Variants in KCNH5 observed in about 807,000 individuals in gnomAD.
KCNH5 encodes the protein voltage-gated delayed rectifier potassium channel KCNH5.
Under a neutral mutation model 96.1 loss-of-function variants are expected in KCNH5, and 46 were observed. The ratio of observed to expected loss-of-function variants is 0.48; its 90% CI spans 0.38 to 0.61. KCNH5 has a LOEUF of 0.61. Among genes scored for constraint, KCNH5 ranks in the 20% least tolerant of loss-of-function variants. KCNH5 has a pLI of 0.00. For synonymous variants in KCNH5, 439 were observed against 449.8 expected (o/e 0.98, Z 0.30); for missense variants, 907 against 1,225.8 (o/e 0.74, Z 3.88).
intron 1 of KCNH5, among the ~76,000 whole-genome samples, chr14:63,022,514 C>T (rs1158913312): frequency 6.6e-6 from 1 of 152,114 alleles, no homozygotes; most frequent in Non-Finnish European, 1.5e-5. Context: ...CCTCCTTTAA[C>T]ATCCTTCTTT....
At chr14:62,785,481 G>A (rs1315853893) in intron 9 of KCNH5, among the ~76,000 whole-genome samples, 1 of 152,164 alleles carries the variant, frequency 6.6e-6, no homozygotes, top group African/African-American at 2.4e-5. Context: ...TTTTAGGTCA[G>A]CTCCCGCTGG....
At chr14:62,788,614 G>A (rs763676888) in intron 9 of KCNH5, among the ~76,000 whole-genome samples, 102 of 152,050 alleles carry the variant, frequency 6.7e-4, no homozygotes, top group Non-Finnish European at 7.5e-4. Context: ...AGAGTCAATT[G>A]ATGCAGTAAA....
At chr14:62,946,363 T>C (rs936560675) in intron 7 of KCNH5, among the ~76,000 whole-genome samples, 1 of 152,148 alleles carries the variant, frequency 6.6e-6, no homozygotes, top group Non-Finnish European at 1.5e-5. Context: ...CTCTGTAAAA[T>C]AGTTTGGCAA....
chr14:62,796,488 G>A (rs1039287767), intron 9 of KCNH5, among the ~76,000 whole-genome samples: 3 of 152,228 alleles, frequency 2.0e-5, no homozygotes, highest in African/African-American at 7.2e-5. Context: ...AACAAGCATA[G>A]CTCTCTTGAG....
rs370955212 is a variant in KCNH5 at position 62,803,875 on chromosome 14, G to A, written c.1570-1294C>T. 1.4e-3 allele frequency among the ~76,000 whole-genome samples: 212 copies of A among 152,176 alleles called. 1 individual carries two copies. The highest frequency in any genetic ancestry group is 4.9e-3 in the African/African-American group (204 of 41,514). On this transcript the variant is annotated intron_variant, in intron 8 of 10. Coordinates refer to ENST00000322893, the MANE Select transcript of KCNH5 (RefSeq NM_139318.5). ...AGCCAGAAATGATTTTCTTTGATCG[G>A]ATTTCAATCCCTCAAAGCTGAAGCT...
intron 1 of KCNH5, among the ~76,000 whole-genome samples, chr14:63,018,761 G>A (rs1214625523): frequency 6.6e-6 from 1 of 151,952 alleles, no homozygotes; most frequent in African/African-American, 2.4e-5. Flanking sequence ...TCTCCTCAGA[G>A]GAAAACAATG....
intron 6 of KCNH5, among the ~76,000 whole-genome samples, chr14:62,970,731 C>T (rs1890391279): frequency 6.6e-6 from 1 of 151,992 alleles, no homozygotes; most frequent in Non-Finnish European, 1.5e-5. Context: ...ATAACATCAA[C>T]AAGCTAAAGG....
At chr14:62,954,852 A>C (rs1341358239) in intron 6 of KCNH5, among the ~76,000 whole-genome samples, 1 of 152,146 alleles carries the variant, frequency 6.6e-6, no homozygotes, top group Non-Finnish European at 1.5e-5. Flanking sequence ...AGCCAAACAA[A>C]TGGAGAAACT....
chr14:62,809,499 A>G (rs1886832153), intron 8 of KCNH5, among the ~76,000 whole-genome samples: 1 of 152,106 alleles, frequency 6.6e-6, no homozygotes, highest in Non-Finnish European at 1.5e-5. Context: ...CAGGTCCAGG[A>G]GCCACAGGTT....
chr14:63,019,572 C>T (rs1055801500), intron 1 of KCNH5, among the ~76,000 whole-genome samples: 4 of 151,898 alleles, frequency 2.6e-5, no homozygotes, highest in East Asian at 1.9e-4. Context: ...AAAGATGCCA[C>T]GCCAACTGAA....
intron 10 of KCNH5, among the ~76,000 whole-genome samples, chr14:62,713,931 A>G (rs2139905802): frequency 6.6e-6 from 1 of 152,294 alleles, no homozygotes; most frequent in East Asian, 1.9e-4. Context: ...CATGGTAATT[A>G]TTATACATTA....
chr14:62,795,307 T>A lies in KCNH5; in HGVS notation c.1822+7022A>T, dbSNP rs118090608. On this transcript the variant is annotated intron_variant, in intron 9 of 10. Coordinates refer to ENST00000322893, the MANE Select transcript of KCNH5 (RefSeq NM_139318.5). ...AGTTTGTTGGCAAAATATAGCAGAG[T>A]TGGCCCTCCATACCTGTGGGTTTCT... Among the ~76,000 whole-genome samples the A allele has an allele frequency of 8.5e-5, 13 of 152,164 alleles. 1 individual carries two copies. In the East Asian group the frequency reaches 2.5e-3, roughly 29 times the overall value.
intron 8 of KCNH5, among the ~76,000 whole-genome samples, chr14:62,846,624 A>G (rs1373866315): frequency 1.3e-5 from 2 of 151,684 alleles, no homozygotes; most frequent in Non-Finnish European, 2.9e-5. Context: ...ATTAAGTAGT[A>G]TGTCAATTCC....
At chr14:62,813,315 G>A (rs1291001939) in intron 8 of KCNH5, among the ~76,000 whole-genome samples, 6 of 152,156 alleles carry the variant, frequency 3.9e-5, no homozygotes, top group Non-Finnish European at 5.9e-5. Context: ...TTTAGTCTTA[G>A]TGAAGTTATT....
intron 7 of KCNH5, among the ~76,000 whole-genome samples, chr14:62,914,082 T>C (rs900924488): frequency 1.1e-4 from 17 of 152,220 alleles, no homozygotes; most frequent in African/African-American, 3.9e-4. Context: ...TCATGTGCTT[T>C]CTTAAAATTG....
At chr14:62,925,342 T>C (rs1889454497) in intron 7 of KCNH5, among the ~76,000 whole-genome samples, 1 of 152,056 alleles carries the variant, frequency 6.6e-6, no homozygotes, top group African/African-American at 2.4e-5. Context: ...AACTAATGTA[T>C]GGCATTAAAC....
chr14:62,995,874 C>T (rs1214167793), intron 4 of KCNH5, among the ~76,000 whole-genome samples: 1 of 152,010 alleles, frequency 6.6e-6, no homozygotes, highest in Non-Finnish European at 1.5e-5. Context: ...AGAATCATGC[C>T]TGTACCATAT....
At chr14:62,725,436 C>T (rs1884905048) in intron 10 of KCNH5, among the ~76,000 whole-genome samples, 1 of 152,120 alleles carries the variant, frequency 6.6e-6, no homozygotes, top group Admixed American at 6.5e-5. Context: ...GCACAGTTTC[C>T]TTTGGCCCAG....
At chr14:62,966,936 A>T (rs1890316202) in intron 6 of KCNH5, among the ~76,000 whole-genome samples, 1 of 152,182 alleles carries the variant, frequency 6.6e-6, no homozygotes, top group Non-Finnish European at 1.5e-5. Flanking sequence ...GTACACTACT[A>T]GAGCTTTGCA....
Sources: allele counts gnomAD v4.1 joint callset (sites outside exome capture counted in the v4.1 genomes callset), GRCh38; gene constraint gnomAD v4.1.1; transcripts MANE v1.5; gene names NCBI Gene and HGNC (gene_info 2026-07-23, HGNC 2026-07-21).